The following ME3 variants were observed in gnomAD, a reference collection of about 807,000 sequenced individuals.
The protein encoded by ME3 is malic enzyme 3, also known as NADP-dependent malic enzyme, mitochondrial.
ME3 carries 48 observed loss-of-function variants against 68.9 expected under a neutral mutation model. That is an observed-to-expected ratio of 0.70 (90% CI 0.55 to 0.89). ME3 has a LOEUF of 0.89. Among genes scored for constraint, ME3 ranks in the 40% least tolerant of loss-of-function variants. The pLI, the probability that ME3 is intolerant of heterozygous loss-of-function variation, is 0.00. For synonymous variants in ME3, 320 were observed against 318.8 expected, an observed-to-expected ratio of 1.00 and a Z score of -0.04; for missense variants, 675 against 797.4, an observed-to-expected ratio of 0.85 and a Z score of 1.85.
intron 4 of ME3, among the ~76,000 whole-genome samples, chr11:86,530,834 A>T (rs1022492441): frequency 2.0e-5 from 3 of 152,238 alleles, no homozygotes; most frequent in African/African-American, 7.2e-5. Flanking sequence ...CTTACACCTT[A>T]TACAAAAATT....
intron 4 of ME3, among the ~76,000 whole-genome samples, chr11:86,517,936 A>C (rs921894621): frequency 4.6e-5 from 7 of 152,222 alleles, no homozygotes; most frequent in Non-Finnish European, 1.0e-4. Flanking sequence ...GCATATAATA[A>C]TGTTTACTTC....
At chr11:86,566,676 A>G (rs1419215097) in intron 2 of ME3, among the ~76,000 whole-genome samples, 3 of 152,196 alleles carry the variant, frequency 2.0e-5, no homozygotes, top group Admixed American at 1.3e-4. Context: ...GAGAGGTTAC[A>G]TAATGCTCCT....
intron 2 of ME3, among the ~76,000 whole-genome samples, chr11:86,591,725 T>C (rs7945260): frequency 0.6 from 91,282 of 152,098 alleles, 29,073 homozygotes; most frequent in Non-Finnish European, 0.7. Flanking sequence ...TCGCATTTTA[T>C]GTGGATGGCA....
Position 86,662,212 on chromosome 11 carries a change from G to A in ME3, c.183+9550C>T, listed in dbSNP as rs145568177. Among the ~76,000 whole-genome samples the A allele has an allele frequency of 3.9e-3, 601 of 152,350 alleles. 6 individuals are homozygous for A. Among genetic ancestry groups the A allele is most frequent in the African/African-American group, 0.011 (478 of 41,580 alleles). ...ACACTAGAAGTGTTAGTACAGCGTA[G>A]GGGATAAGCCCTAAAATCAGGTGGC... On this transcript the variant is annotated intron_variant, in intron 2 of 14. Coordinates refer to ENST00000543262, the Ensembl canonical transcript of ME3.
chr11:86,583,577 G>A (rs547975934), intron 2 of ME3, among the ~76,000 whole-genome samples: 1 of 152,266 alleles, frequency 6.6e-6, no homozygotes, highest in African/African-American at 2.4e-5. Context: ...TTCATTCGAA[G>A]AAATACTACA....
chr11:86,511,655 T>C (rs947878920), intron 4 of ME3, among the ~76,000 whole-genome samples: 2 of 152,144 alleles, frequency 1.3e-5, no homozygotes, highest in Non-Finnish European at 2.9e-5. Context: ...TTTGTAAGAC[T>C]AAGGAAAGGC....
intron 2 of ME3, among the ~76,000 whole-genome samples, chr11:86,629,380 G>A (rs1004716718): frequency 7.9e-5 from 12 of 152,090 alleles, no homozygotes; most frequent in African/African-American, 1.2e-4. Flanking sequence ...TAAAAAACCC[G>A]TTCTTAAAAA....
chr11:86,617,054 T>TTTTTG (rs1191969586), intron 2 of ME3, among the ~76,000 whole-genome samples: 1 of 71,704 alleles, frequency 1.4e-5, no homozygotes, highest in Admixed American at 1.1e-4. Flanking sequence ...AGTTTTTTTT[T>TTTTTG]TTTTTTTTTT....
chr11:86,615,951 T>C (rs1938931), intron 2 of ME3, among the ~76,000 whole-genome samples: 59,673 of 152,120 alleles, frequency 0.39, 12,410 homozygotes, highest in East Asian at 0.7. Context: ...TTGCATAGAA[T>C]GCATGGATAA....
intron 2 of ME3, among the ~76,000 whole-genome samples, chr11:86,662,435 A>ATTTT (rs560067030): frequency 6.7e-6 from 1 of 149,978 alleles, no homozygotes; most frequent in African/African-American, 2.5e-5. Flanking sequence ...CAGAAAATTA[A>ATTTT]TTTTTTTTTT....
chr11:86,607,325 A>G (rs1000448639), intron 2 of ME3, among the ~76,000 whole-genome samples: 7 of 151,968 alleles, frequency 4.6e-5, no homozygotes, highest in East Asian at 3.9e-4. Flanking sequence ...TCATCCTTCA[A>G]TGTTCTCAGG....
intron 2 of ME3, among the ~76,000 whole-genome samples, chr11:86,627,730 T>C (rs1396176400): frequency 2.0e-5 from 3 of 152,164 alleles, no homozygotes; most frequent in African/African-American, 7.2e-5. Flanking sequence ...TTAAGGCTCC[T>C]CTGCCAAGGC....
chr11:86,581,351 A>G (rs954639649), intron 2 of ME3, among the ~76,000 whole-genome samples: 2 of 152,212 alleles, frequency 1.3e-5, no homozygotes, highest in African/African-American at 4.8e-5. Context: ...GATAATGATT[A>G]TGAGTGATGG....
At chr11:86,598,293 T>C (rs1373804240) in intron 2 of ME3, among the ~76,000 whole-genome samples, 2 of 152,160 alleles carry the variant, frequency 1.3e-5, no homozygotes, top group East Asian at 1.9e-4. Flanking sequence ...CACCAGGAGA[T>C]TATATCCCGC....
rs375547256 is a variant in ME3, at chr11:86,651,613, C to T, written c.183+20149G>A. Among the ~76,000 whole-genome samples the T allele has an allele frequency of 5.3e-5, 8 of 152,162 alleles. No homozygotes were observed. In the South Asian group the frequency reaches 6.2e-4, roughly 12 times the overall value. On this transcript the variant is annotated intron_variant, in intron 2 of 14. Coordinates refer to ENST00000543262, the Ensembl canonical transcript of ME3. ...ATCTGTACATCACCATCATCAAAGA[C>T]GAAAAAGTAGATAAAACCACAAAGA... is the stretch of plus-strand genomic sequence containing the variant.
chr11:86,543,210 G>A (rs1320069070), intron 4 of ME3, among the ~76,000 whole-genome samples: 1 of 152,196 alleles, frequency 6.6e-6, no homozygotes, highest in Non-Finnish European at 1.5e-5. Flanking sequence ...ATACAAAAAT[G>A]TAGAGACCAT....
intron 4 of ME3, among the ~76,000 whole-genome samples, chr11:86,529,799 A>C (rs1001708242): frequency 7.2e-5 from 11 of 152,228 alleles, no homozygotes; most frequent in South Asian, 2.1e-4. Flanking sequence ...CAACAAAATT[A>C]AATAACCCTT....
intron 7 of ME3, among the ~76,000 whole-genome samples, chr11:86,467,865 A>G (rs1011916309): frequency 2.0e-5 from 3 of 152,176 alleles, no homozygotes; most frequent in Non-Finnish European, 2.9e-5. Flanking sequence ...TTGATGGAAT[A>G]TAGAATAAAA....
chr11:86,472,229 T>C (rs986919559), intron 7 of ME3, among the ~76,000 whole-genome samples: 1 of 151,910 alleles, frequency 6.6e-6, no homozygotes, highest in African/African-American at 2.4e-5. Flanking sequence ...AGGCTGAAGA[T>C]GGGGAGGACA....
Sources: gnomAD v4.1 joint callset for allele counts (sites outside exome capture counted in the v4.1 genomes callset) on GRCh38, gnomAD v4.1.1 for gene constraint, MANE v1.5 for transcripts, NCBI Gene and HGNC (gene_info 2026-07-23, HGNC 2026-07-21) for gene names.